HACE1: variants seen among roughly 807,000 people sequenced by gnomAD.
HACE1 encodes E3 ubiquitin-protein ligase HACE1.
A neutral mutation model predicts 118.4 loss-of-function variants in HACE1; 73 were observed. The observed-to-expected ratio is 0.62, with a 90% CI of 0.51 to 0.75. The LOEUF is 0.75. Among genes scored for constraint, HACE1 ranks in the 30% least tolerant of loss-of-function variants. The pLI is 0.00. For missense variants in HACE1, 749 were observed against 1,102.2 expected (o/e 0.68, Z 4.54); for synonymous variants, 368 against 374.8 (o/e 0.98, Z 0.21).
At chr6:104,824,766 T>C (rs896941549) in intron 6 of HACE1, 2 of 151,578 alleles carry the variant, frequency 1.3e-5, no homozygotes, top group African/African-American at 2.4e-5. Flanking sequence ...GGAAAAAAAG[T>C]GACAAACATT....
chr6:104,854,649 T>G (rs576246400), intron 1 of HACE1, among the ~76,000 whole-genome samples: 12 of 151,996 alleles, frequency 7.9e-5, no homozygotes, highest in Non-Finnish European at 1.6e-4. Context: ...ATTTTTGAGA[T>G]GAGGACAAAC....
chr6:104,849,595 A>T (rs992186434), intron 3 of HACE1, among the ~76,000 whole-genome samples: 3 of 148,532 alleles, frequency 2.0e-5, no homozygotes, highest in Non-Finnish European at 4.4e-5. Context: ...CTCCTACCTC[A>T]GCCTCCCAAA....
chr6:104,756,111 C>G (rs964904045), intron 19 of HACE1, among the ~76,000 whole-genome samples: 1 of 151,882 alleles, frequency 6.6e-6, no homozygotes, highest in Non-Finnish European at 1.5e-5. Context: ...ACCACTGACC[C>G]CAAAGAAATA....
At chr6:104,756,282 C>T (rs1054554282) in intron 19 of HACE1, among the ~76,000 whole-genome samples, 1 of 151,470 alleles carries the variant, frequency 6.6e-6, no homozygotes, top group East Asian at 2.0e-4. Flanking sequence ...CATGGTGGTG[C>T]ATGCCTGTAG....
Position 104,777,255 on chromosome 6 carries a change from A to T in HACE1, c.1629T>A (p.Asp543Glu). The T allele has an allele frequency of 6.2e-7, 1 of 1,613,888 alleles. No homozygotes were observed. The highest frequency in any genetic ancestry group is 8.5e-7 in the Non-Finnish European group (1 of 1,179,750). The change falls in exon 15 of 24, where the codon GAT becomes GAA. Residue 543 changes from aspartate to glutamate, a missense_variant. Asp to Glu is a conservative substitution (Grantham distance 45). Coordinates refer to ENST00000262903, the MANE Select transcript of HACE1 (RefSeq NM_020771.4). ...TTTCATTCACTGGCCTGTGCACCAT[A>T]TCTGAATCTGGCTGTCCTGAATGCA... ...EHLHSGQPDS[D>E]MVHRPVNEND... is the part of the protein sequence containing the mutation.
Position 104,772,055 on chromosome 6 carries a change from A to G in HACE1, c.1884T>C (p.Asn628=). The G allele has an allele frequency of 6.3e-7, 1 of 1,598,588 alleles. No homozygotes were observed. The highest frequency in any genetic ancestry group is 8.6e-7 in the Non-Finnish European group (1 of 1,166,368). ...GATCAGGATTTACATAAGAGTTGCTATTAGGCTGAAAAGTTGTTCCTATTG... is the reference window on the plus strand; with the variant it reads ...GATCAGGATTTACATAAGAGTTGCTGTTAGGCTGAAAAGTTGTTCCTATTG... ...QSADGTTFQP[N]SNSYVNPDHL... The change falls in exon 18 of 24, where the codon AAT becomes AAC. Residue 628 remains asparagine (N), a synonymous_variant. Coordinates refer to ENST00000262903, the MANE Select transcript of HACE1 (RefSeq NM_020771.4).
rs551354288 is a variant in HACE1, at chr6:104,764,646, T to C, written c.2211+6547A>G. ...TTTAATGTTATCTTCATCATCACTATTATCACCATCACCTACACTCAGAAC... is the reference window on the plus strand; with the variant it reads ...TTTAATGTTATCTTCATCATCACTACTATCACCATCACCTACACTCAGAAC... On this transcript the variant is annotated intron_variant, in intron 19 of 23. Transcript: ENST00000262903. Among the ~76,000 whole-genome samples the C allele has an allele frequency of 3.9e-5, 6 of 152,294 alleles. No homozygotes were observed. The South Asian group carries it at 8.3e-4, about 21-fold the overall frequency.
chr6:104,736,472 C>G (rs536958374), intron 22 of HACE1, among the ~76,000 whole-genome samples: 145 of 151,880 alleles, frequency 9.5e-4, no homozygotes, highest in Non-Finnish European at 1.5e-3. Flanking sequence ...TTTGTAGAGA[C>G]GGTTTCGCCA....
chr6:104,857,631 T>C (rs936681288), intron 1 of HACE1, among the ~76,000 whole-genome samples: 4 of 150,910 alleles, frequency 2.7e-5, no homozygotes, highest in African/African-American at 9.8e-5. Context: ...AATTCTGAAG[T>C]CATTAAGCCT....
Position 104,731,653 on chromosome 6 carries a change from G to A in HACE1, c.2514-1237C>T, listed in dbSNP as rs547569529. 12 of 152,034 alleles carry A rather than the reference G, an allele frequency of 7.9e-5. No individual in the cohort carries two copies. In the East Asian group the frequency reaches 1.7e-3, roughly 22 times the overall value. 9.4% of individuals were successfully genotyped at this position (152,034 alleles called of 1,614,324 possible). A position where few individuals can be genotyped will look rare whatever the true frequency, so the allele number is the denominator to read the frequency against. On this transcript the variant is annotated intron_variant, in intron 22 of 23. Transcript: ENST00000262903. ...TTCAACGAAGTGTGTTGGGAAAACC[G>A]GATATTCACTACAACGAAAATGAAG...
Position 104,791,385 on chromosome 6 carries a change from A to G in HACE1, c.1074+119T>C. 5 of 846,514 alleles carry G rather than the reference A, an allele frequency of 5.9e-6. No homozygotes were observed. In the Admixed American group the frequency reaches 8.7e-5, roughly 15 times the overall value. The allele number at this position is 846,514 out of a possible 1,614,324, so 52.4% of individuals were successfully genotyped here. A position where few individuals can be genotyped will look rare whatever the true frequency, so the allele number is the denominator to read the frequency against. On this transcript the variant is annotated intron_variant, in intron 11 of 23. Transcript: ENST00000262903. ...AAAGGTGTGCCTAATTTTGAAAGTG[A>G]TATGGGTATAAACCAAACTTACAAC...
Position 104,813,349 on chromosome 6 carries a change from C to CG in HACE1, c.535-1957_535-1956insC, listed in dbSNP as rs1384174878. Among the ~76,000 whole-genome samples, 6 of 137,746 alleles carry CG rather than the reference C, an allele frequency of 4.4e-5. 1 individual carries two copies. Among genetic ancestry groups the CG allele is most frequent in the African/African-American group, 1.7e-4 (6 of 34,452 alleles). The allele number at this position is 137,746 out of a possible 152,430, so 90.4% of individuals were successfully genotyped here. On this transcript the variant is annotated intron_variant, in intron 6 of 23. Coordinates refer to ENST00000262903, the MANE Select transcript of HACE1 (RefSeq NM_020771.4). ...CAACAAAATTTTAAAATTAGCCATG[C>CG]ATGGTGCTGCATGCAAGACGCTATC...
intron 20 of HACE1, among the ~76,000 whole-genome samples, chr6:104,745,464 T>TTTTTTTTTTTTA (rs1554221272): frequency 6.6e-6 from 1 of 150,650 alleles, no homozygotes. Flanking sequence ...CCTTTTTTTT[T>TTTTTTTTTTTTA]GAGACCGAGT....
At chr6:104,815,741 T>C (rs1772040269) in intron 6 of HACE1, among the ~76,000 whole-genome samples, 1 of 138,144 alleles carries the variant, frequency 7.2e-6, no homozygotes, top group African/African-American at 2.9e-5. Flanking sequence ...CTTACATGCA[T>C]TCACAAAGAG....
chr6:104,781,865 C>A (rs1192249465), intron 14 of HACE1, among the ~76,000 whole-genome samples: 1 of 152,192 alleles, frequency 6.6e-6, no homozygotes, highest in East Asian at 1.9e-4. Context: ...TAGACACCCT[C>A]CTCACCCTAG....
At position 104,844,567 on chromosome 6, in the gene HACE1, A is replaced by G. The variant is rs189667321; in HGVS notation, c.327-1269T>C. 2.7e-3 allele frequency among the ~76,000 whole-genome samples: 381 copies of G among 141,484 alleles called. 2 individuals carry two copies. The highest frequency in any genetic ancestry group is 0.01 in the African/African-American group (377 of 37,288). 92.8% of individuals were successfully genotyped at this position (141,484 alleles called of 152,430 possible). On this transcript the variant is annotated intron_variant, in intron 4 of 23. Coordinates refer to ENST00000262903, the MANE Select transcript of HACE1 (RefSeq NM_020771.4). ...ACCATGTTGGACAGGCTGGTCTTGA[A>G]CTCCTGACATCAGGTGATCCACCCC...
chr6:104,804,177 A>C (rs574698066), intron 7 of HACE1, among the ~76,000 whole-genome samples: 9 of 152,352 alleles, frequency 5.9e-5, no homozygotes, highest in South Asian at 2.1e-4. Flanking sequence ...GGACCTCTTC[A>C]AGGAGAACTA....
At chr6:104,820,999 T>C (rs1266967527) in intron 6 of HACE1, among the ~76,000 whole-genome samples, 2 of 152,148 alleles carry the variant, frequency 1.3e-5, no homozygotes, top group African/African-American at 2.4e-5. Context: ...CACGGAATAC[T>C]ATGCAGCCAT....
chr6:104,850,842 G>T, intron 3 of HACE1, 65 bp downstream of exon 3: 1 of 942,882 alleles, frequency 1.1e-6, no homozygotes, highest in Non-Finnish European at 1.8e-6. Flanking sequence ...GTGTGATAAT[G>T]CTGTTCAAAG....
Sources: gnomAD v4.1 joint callset for allele counts (sites outside exome capture counted in the v4.1 genomes callset) on GRCh38, gnomAD v4.1.1 for gene constraint, MANE v1.5 for transcripts, NCBI Gene and HGNC (gene_info 2026-07-23, HGNC 2026-07-21) for gene names.